The following JAK2 variants were observed in gnomAD, a reference collection of about 807,000 sequenced individuals.
JAK2 encodes tyrosine-protein kinase JAK2.
In JAK2, 86 loss-of-function variants were observed where a neutral mutation model predicts 139.3. The ratio of observed to expected loss-of-function variants is 0.62; its 90% CI spans 0.52 to 0.74. The LOEUF is 0.74. Ranked by LOEUF, JAK2 falls within the 30% of genes least tolerant of loss-of-function variation. The pLI is 0.00. For missense variants in JAK2, 1,421 were observed against 1,360.3 expected (o/e 1.04, Z -0.70); for synonymous variants, 490 against 437.7 (o/e 1.12, Z -1.49).
chr9:5,054,622 C>T lies in JAK2; in HGVS notation c.674C>T (p.Thr225Ile). The T allele has an allele frequency of 6.2e-7, 1 of 1,612,452 alleles. No individual in the cohort carries two copies. Among genetic ancestry groups the T allele is most frequent in the Non-Finnish European group, 8.5e-7 (1 of 1,178,978 alleles). The part of the protein sequence containing the change: ...RAKIQDYHIL[T>I]RKRIRYRFRR... ...AAGATCCAAGACTATCATATTTTGA[C>T]AAGGAAGCGAATAAGGTACAGATTT... The change falls in exon 7 of 25, where the codon ACA becomes ATA. Residue 225 changes from threonine to isoleucine, a missense_variant. By Grantham distance (89) the Thr-to-Ile change is moderately conservative (BLOSUM62 -1). Coordinates refer to ENST00000381652, the MANE Select transcript of JAK2 (RefSeq NM_004972.4). The surrounding 1 kb of genome is among the most constrained non-coding windows in gnomAD (Gnocchi z 4.9).
chr9:5,021,908 C>A, intron 2 of JAK2, 55 bp from the exon 3 acceptor site: 2 of 1,023,438 alleles, frequency 2.0e-6, no homozygotes, highest in Non-Finnish European at 3.0e-6. Flanking sequence ...GCTAGGATTA[C>A]AGGTGTGAGA....
At chr9:5,026,174 T>G (rs1350098183) in intron 3 of JAK2, among the ~76,000 whole-genome samples, 1 of 152,234 alleles carries the variant, frequency 6.6e-6, no homozygotes, top group Non-Finnish European at 1.5e-5. Context: ...TCATTTGCTC[T>G]TATTTTCTAA....
In JAK2 at chr9:5,129,876, A is replaced by T. The variant is rs1824227794; in HGVS notation, c.*3085A>T. Among the ~76,000 whole-genome samples, 1 of 152,158 alleles carries T rather than the reference A, an allele frequency of 6.6e-6. No homozygotes were observed. Among genetic ancestry groups the T allele is most frequent in the Non-Finnish European group, 1.5e-5 (1 of 67,990 alleles). On this transcript the variant is annotated 3_prime_UTR_variant, in exon 25 of 25. Transcript: ENST00000381652. ...TAGTAAAATGCAGACTGTATACCTA[A>T]ATATTAAAATATTTACTTTTATAAT...
intron 3 of JAK2, among the ~76,000 whole-genome samples, chr9:5,022,960 T>A (rs1316791550): frequency 6.6e-6 from 1 of 152,244 alleles, no homozygotes. Context: ...TATTCTCTTA[T>A]TTAAGATCAG....
intron 22 of JAK2, among the ~76,000 whole-genome samples, chr9:5,121,139 A>G (rs999552767): frequency 6.6e-6 from 1 of 152,168 alleles, no homozygotes; most frequent in African/African-American, 2.4e-5. Context: ...AGTATAATTG[A>G]AAACAAAATC....
At chr9:5,061,824 C>G (rs1369820075) in intron 8 of JAK2, among the ~76,000 whole-genome samples, 1 of 152,212 alleles carries the variant, frequency 6.6e-6, no homozygotes, top group African/African-American at 2.4e-5. Context: ...CCTCACTAAG[C>G]TTAATCATTT....
rs762266020 is a variant in JAK2 at position 5,072,531 on chromosome 9, A to G, written c.1681A>G (p.Lys561Glu). 1 of 1,602,702 alleles carries G rather than the reference A, an allele frequency of 6.2e-7. No homozygotes were observed. The highest frequency in any genetic ancestry group is 1.1e-5 in the South Asian group (1 of 88,812). The change falls in exon 13 of 25, where the codon AAA (lysine) becomes GAA (glutamate). Residue 561 changes from lysine to glutamate, a missense_variant. Lys to Glu is a moderately conservative substitution (Grantham distance 56, BLOSUM62 1). Coordinates refer to ENST00000381652, the MANE Select transcript of JAK2 (RefSeq NM_004972.4). ...LGQGTFTKIF[K>E]GVRREVGDYG... ...CCAAGGCACTTTTACAAAGATTTTT[A>G]AAGGCGTACGAAGAGAAGTAGGAGA...
intron 2 of JAK2, among the ~76,000 whole-genome samples, chr9:4,993,070 A>G (rs1447585041): frequency 6.6e-6 from 1 of 152,130 alleles, no homozygotes; most frequent in African/African-American, 2.4e-5. Context: ...TTTATATAGC[A>G]ACTGTCCCTT....
chr9:5,062,500 TAAAAAAAAAAAAAAAAAA>T (rs58424625), intron 8 of JAK2, among the ~76,000 whole-genome samples: 54 of 58,242 alleles, frequency 9.3e-4, no homozygotes, highest in African/African-American at 1.1e-3. Flanking sequence ...CTTCCATTTG[TAAAAAAAAAAAAAAAAAA>T]AAAAAAAAAA....
chr9:5,080,993 T>C (rs1369906479), intron 18 of JAK2, among the ~76,000 whole-genome samples: 10 of 150,306 alleles, frequency 6.7e-5, no homozygotes, highest in African/African-American at 2.5e-4. Flanking sequence ...CCTCCAAGGT[T>C]CACGCCATTC....
intron 22 of JAK2, among the ~76,000 whole-genome samples, chr9:5,115,421 A>G (rs560489804): frequency 6.6e-6 from 1 of 152,314 alleles, no homozygotes; most frequent in African/African-American, 2.4e-5. Context: ...ACAGATGCTG[A>G]AGAGGATGTG....
intron 2 of JAK2, among the ~76,000 whole-genome samples, chr9:5,021,267 A>G (rs542812003): frequency 2.8e-4 from 43 of 151,772 alleles, no homozygotes; most frequent in African/African-American, 9.9e-4. Context: ...GTGATTATCT[A>G]CTCGCTATTT....
intron 22 of JAK2, among the ~76,000 whole-genome samples, chr9:5,105,501 A>T (rs1053011745): frequency 6.6e-6 from 1 of 152,246 alleles, no homozygotes; most frequent in South Asian, 2.1e-4. Flanking sequence ...AAAGTAATTT[A>T]TAGATTCAAT....
intron 19 of JAK2, among the ~76,000 whole-genome samples, chr9:5,082,260 G>C (rs1586756207): frequency 1.3e-5 from 2 of 152,328 alleles, no homozygotes; most frequent in South Asian, 2.1e-4. Context: ...CAGGAGAGCA[G>C]GGTGATAGTG....
At chr9:5,046,921 A>C (rs1817048253) in intron 5 of JAK2, among the ~76,000 whole-genome samples, 1 of 152,122 alleles carries the variant, frequency 6.6e-6, no homozygotes, top group Admixed American at 6.5e-5. Flanking sequence ...GTTTTCCCAA[A>C]CTATTCATTC....
At chr9:4,992,228 C>G (rs1052484169) in intron 2 of JAK2, among the ~76,000 whole-genome samples, 1 of 152,180 alleles carries the variant, frequency 6.6e-6, no homozygotes, top group Middle Eastern at 3.2e-3. Context: ...GGAGCATGTA[C>G]ATGTGGCCTG....
At chr9:5,111,471 G>C in intron 22 of JAK2, 5 of 386,396 alleles carry the variant, frequency 1.3e-5, no homozygotes, top group South Asian at 1.0e-4. Flanking sequence ...TACCTGCCCA[G>C]CTCAGGTGAG....
rs1159644918 is a variant in JAK2, at chr9:5,127,099, G to C, written c.*308G>C. On this transcript the variant is annotated 3_prime_UTR_variant, in exon 25 of 25. Transcript: ENST00000381652. ...AGACTTTTTCAACTCAGCTTTTTGA[G>C]ACCTGAAAAAATTATTATGTAAATT... 1 of 266,242 alleles carries C rather than the reference G, an allele frequency of 3.8e-6. No homozygotes were observed. Among genetic ancestry groups the C allele is most frequent in the Admixed American group, 5.2e-5 (1 of 19,188 alleles). The allele number at this position is 266,242 out of a possible 1,614,324, so 16.5% of individuals were successfully genotyped here.
At chr9:5,091,453 A>G (rs942965849) in intron 22 of JAK2, 2 of 152,240 alleles carry the variant, frequency 1.3e-5, no homozygotes. Flanking sequence ...TTTTAATAGC[A>G]TAGGGAGTTG....
Sources: allele counts gnomAD v4.1 joint callset (sites outside exome capture counted in the v4.1 genomes callset), GRCh38; gene constraint gnomAD v4.1.1; non-coding constraint Gnocchi (gnomAD v3.1); transcripts MANE v1.5; gene names NCBI Gene and HGNC (gene_info 2026-07-23, HGNC 2026-07-21).